Variants in FREM1 observed in about 807,000 individuals in gnomAD.
The protein encoded by FREM1 is FRAS1-related extracellular matrix protein 1.
Under a neutral mutation model 210.1 loss-of-function variants are expected in FREM1, and 220 were observed. The observed-to-expected ratio is 1.05, with a 90% CI of 0.94 to 1.17. The LOEUF (loss-of-function observed/expected upper bound fraction) is 1.17. FREM1 is among the 50% of genes most tolerant of loss of function. The pLI, the probability that FREM1 is intolerant of heterozygous loss-of-function variation, is 0.00. For synonymous variants in FREM1, 1,189 were observed against 980.2 expected, an observed-to-expected ratio of 1.21 and a Z score of -3.98; for missense variants, 3,454 against 2,675.5, an observed-to-expected ratio of 1.29 and a Z score of -6.42.
chr9:14,774,517 CT>C (rs1848209267), intron 25 of FREM1, among the ~76,000 whole-genome samples: 1 of 12,180 alleles, frequency 8.2e-5, no homozygotes, highest in Non-Finnish European at 1.9e-4. Context: ...ATAAATCTCT[CT>C]CTCTCTCTCT....
intron 22 of FREM1, chr9:14,790,589 C>T (rs1460373168): frequency 2.0e-5 from 3 of 152,138 alleles, no homozygotes; most frequent in African/African-American, 4.8e-5. Flanking sequence ...CTTACTTGCA[C>T]TCCAAAATGT....
rs777834780 is a variant in FREM1, at chr9:14,746,457, G to C, written c.6150C>G (p.Asp2050Glu). The part of the protein sequence containing the change: ...AWSPQTKDVE[D>E]KSCPAGWHQH... ...GGTGCCACCCGGCTGGACAGGATTT[G>C]TCTTCCACATCCTGAAAAACAGTTG... The change falls in exon 35 of 37, where the codon GAC becomes GAG. Residue 2050 changes from aspartate to glutamate, a missense_variant. Transcript: ENST00000380880. The C allele has an allele frequency of 6.2e-7, 1 of 1,612,740 alleles. No individual in the cohort carries two copies. Among genetic ancestry groups the C allele is most frequent in the Non-Finnish European group, 8.5e-7 (1 of 1,178,822 alleles).
At chr9:14,801,158 C>T (rs563767953) in intron 20 of FREM1, among the ~76,000 whole-genome samples, 2 of 152,008 alleles carry the variant, frequency 1.3e-5, no homozygotes, top group Non-Finnish European at 2.9e-5. Context: ...CCATCACACT[C>T]GGCTAATTTT....
In FREM1 at chr9:14,825,901, G is replaced by C. The variant is rs533740612; in HGVS notation, c.1882-909C>G. On this transcript the variant is annotated intron_variant, in intron 10 of 36. Coordinates refer to ENST00000380880, the MANE Select transcript of FREM1 (RefSeq NM_001379081.2). Reference sequence around the variant, plus strand: ...TCATCCTTACATTATTGCAACTGCTGCCTGTTAGCCCTAAATCCAAGAGCT... The same window carrying C: ...TCATCCTTACATTATTGCAACTGCTCCCTGTTAGCCCTAAATCCAAGAGCT... Among the ~76,000 whole-genome samples, 11 of 152,072 alleles carry C rather than the reference G, an allele frequency of 7.2e-5. No individual in the cohort carries two copies. In the South Asian group the frequency reaches 2.1e-3, roughly 29 times the overall value.
chr9:14,866,534 T>A (rs947902554), intron 2 of FREM1, among the ~76,000 whole-genome samples: 1 of 152,186 alleles, frequency 6.6e-6, no homozygotes, highest in Non-Finnish European at 1.5e-5. Context: ...AATCTGGTCA[T>A]CTGCAGGGCT....
rs1240563407 is a variant in FREM1 at position 14,747,723 on chromosome 9, A to G, written c.5802T>C (p.Arg1934=). 1 of 1,540,754 alleles carries G rather than the reference A, an allele frequency of 6.5e-7. No homozygotes were observed. The highest frequency in any genetic ancestry group is 2.4e-5 in the East Asian group (1 of 41,336). The change falls in exon 32 of 37, where the codon CGT becomes CGC. Residue 1934 remains arginine, a synonymous_variant. Coordinates refer to ENST00000380880, the MANE Select transcript of FREM1 (RefSeq NM_001379081.2). The part of the protein sequence containing the change: ...LRTRGNGKTV[R]PSSVYRNGTD... Reference sequence around the variant, plus strand: ...TTCCATTTCTATAAACAGAGGATGGACGAACCTGAAATTGACAGAGAACAA... The same window carrying G: ...TTCCATTTCTATAAACAGAGGATGGGCGAACCTGAAATTGACAGAGAACAA...
In FREM1 at chr9:14,863,816, G is replaced by T; in HGVS notation, c.322C>A (p.Leu108Ile). The change falls in exon 3 of 37, where the codon CTT becomes ATT. Residue 108 changes from leucine (L) to isoleucine (I), a missense_variant. By Grantham distance (5) the Leu-to-Ile change is conservative. Coordinates refer to ENST00000380880, the MANE Select transcript of FREM1 (RefSeq NM_001379081.2). ...TGTTCCCGTGCCGCTTACCTGTAAA[G>T]TCTGAGCTTCACTGTGTCTTCATCA... ...ILDEDTVKLR[L>I]YRFTERDTFI... The T allele has an allele frequency of 1.2e-6, 2 of 1,607,156 alleles. No homozygotes were observed. Among genetic ancestry groups the T allele is most frequent in the Non-Finnish European group, 8.5e-7 (1 of 1,173,740 alleles).
chr9:14,746,518 A>T (rs986603422), intron 34 of FREM1, 50 bp from the exon 35 acceptor site: 33 of 1,460,928 alleles, frequency 2.3e-5, no homozygotes, highest in Non-Finnish European at 2.9e-5. Context: ...TACAATCTGG[A>T]GTTGGTTCAG....
intron 8 of FREM1, among the ~76,000 whole-genome samples, chr9:14,844,027 T>G (rs957785253): frequency 3.9e-5 from 6 of 152,158 alleles, no homozygotes; most frequent in African/African-American, 1.4e-4. Flanking sequence ...ATCATAAAGT[T>G]GATATGAGAT....
rs777911053 is a variant in FREM1 at position 14,775,921 on chromosome 9, C to T, written c.4725G>A (p.Lys1575=). 3.2e-5 allele frequency: 52 copies of T among 1,613,876 alleles called. No homozygotes were observed. Among genetic ancestry groups the T allele is most frequent in the Non-Finnish European group, 4.4e-5 (52 of 1,179,892 alleles). Residue 1575 remains lysine, a synonymous_variant, in exon 25 of 37, where the codon AAG becomes AAA. Transcript: ENST00000380880. ...HNFTQQDVDS[K]NVAYRHSGGD... is the part of the protein sequence containing the mutation. ...CTCCTGAGTGCCGATAGGCCACATT[C>T]TTGCTGTCCACATCCTGCTGGGTGA... is the stretch of plus-strand genomic sequence containing the variant.
chr9:14,821,716 T>C (rs1412011465), intron 13 of FREM1, among the ~76,000 whole-genome samples: 2 of 152,144 alleles, frequency 1.3e-5, no homozygotes, highest in Non-Finnish European at 2.9e-5. Context: ...AGGCCAGTGA[T>C]AGAAATAAGT....
chr9:14,863,975 G>T, intron 2 of FREM1, 72 bp from the exon 3 acceptor site: 1 of 911,448 alleles, frequency 1.1e-6, no homozygotes, highest in Non-Finnish European at 1.8e-6. Context: ...TGCCAGGAGA[G>T]CACTGCCTGG....
chr9:14,837,008 G>C (rs1278301335), intron 10 of FREM1, among the ~76,000 whole-genome samples: 1 of 152,194 alleles, frequency 6.6e-6, no homozygotes, highest in African/African-American at 2.4e-5. Context: ...TCTTAGTCAG[G>C]TGGGCAACCT....
At position 14,842,418 on chromosome 9, in the gene FREM1, G is replaced by A. The variant is rs748640485; in HGVS notation, c.1636C>T (p.Arg546Ter). The change falls in exon 9 of 37, where the codon CGA (arginine) becomes TGA (stop). Residue 546 changes from arginine to a stop codon, truncating the protein, a stop_gained. Transcript: ENST00000380880. LOFTEE classifies it high-confidence loss of function. ...TCACTGGCGTCCACATCTGAAGCTC[G>A]CAGCATGGATCCCTGGATCAGGATG... ...QTILIQGSML[R>*]ASDVDASDDY... The A allele has an allele frequency of 5.0e-6, 8 of 1,613,882 alleles. No homozygotes were observed. The highest frequency in any genetic ancestry group is 1.6e-4 in the Middle Eastern group (1 of 6,062).
rs1469689508 is a variant in FREM1 at position 14,746,449 on chromosome 9, C to G, written c.6158G>C (p.Cys2053Ser). Residue 2053 changes from cysteine to serine, a missense_variant, in exon 35 of 37, where the codon TGT (cysteine) becomes TCT (serine). Coordinates refer to ENST00000380880, the MANE Select transcript of FREM1 (RefSeq NM_001379081.2). Reference protein sequence around the residue: ...PQTKDVEDKSCPAGWHQHSGY... With the variant: ...PQTKDVEDKSSPAGWHQHSGY... ...TGAGTGCTGGTGCCACCCGGCTGGA[C>G]AGGATTTGTCTTCCACATCCTGAAA... 7 of 1,613,500 alleles carry G rather than the reference C, an allele frequency of 4.3e-6. No homozygotes were observed. The highest frequency in any genetic ancestry group is 4.2e-6 in the Non-Finnish European group (5 of 1,179,584).
intron 25 of FREM1, among the ~76,000 whole-genome samples, chr9:14,773,317 G>A (rs373993019): frequency 1.3e-5 from 2 of 152,208 alleles, no homozygotes; most frequent in African/African-American, 4.8e-5. Flanking sequence ...ACACCTGTGT[G>A]TTGCAGCAGT....
intron 1 of FREM1, among the ~76,000 whole-genome samples, chr9:14,902,648 G>A (rs906486586): frequency 8.5e-5 from 13 of 152,092 alleles, no homozygotes; most frequent in African/African-American, 3.1e-4. Context: ...AGTCAAATCA[G>A]CACCACAGAG....
intron 1 of FREM1, among the ~76,000 whole-genome samples, chr9:14,883,636 A>T (rs1588579041): frequency 6.6e-6 from 1 of 152,224 alleles, no homozygotes; most frequent in African/African-American, 2.4e-5. Flanking sequence ...TGGGTCTTTT[A>T]ACACCTCAAA....
intron 35 of FREM1, among the ~76,000 whole-genome samples, chr9:14,743,934 A>C (rs1424165662): frequency 6.6e-6 from 1 of 152,130 alleles, no homozygotes; most frequent in Non-Finnish European, 1.5e-5. Context: ...ATTACGACAA[A>C]CTAAATGACA....
Sources: gnomAD v4.1 joint callset for allele counts (sites outside exome capture counted in the v4.1 genomes callset) on GRCh38, gnomAD v4.1.1 for gene constraint, MANE v1.5 for transcripts, NCBI Gene and HGNC (gene_info 2026-07-23, HGNC 2026-07-21) for gene names.